TIMP2: variants seen among roughly 807,000 people sequenced by gnomAD.
The protein encoded by TIMP2 is TIMP metallopeptidase inhibitor 2.
In TIMP2, 5 loss-of-function variants were observed where a neutral mutation model predicts 24.3. The observed-to-expected ratio is 0.21, with a 90% CI of 0.11 to 0.43. The LOEUF is 0.43. Among genes scored for constraint, TIMP2 ranks in the 20% least tolerant of loss-of-function variants. The pLI is 1.00. For missense variants in TIMP2, 221 were observed against 297.5 expected (o/e 0.74, Z 1.89); for synonymous variants, 130 against 123.2 (o/e 1.06, Z -0.37).
chr17:78,925,016 C>T lies in TIMP2; in HGVS notation c.73G>A (p.Asp25Asn), dbSNP rs1165727821. Residue 25 changes from aspartate (D) to asparagine (N), a missense_variant, in exon 1 of 5, where the codon GAC becomes AAC. By Grantham distance (23) the Asp-to-Asn change is conservative. Coordinates refer to ENST00000262768, the MANE Select transcript of TIMP2 (RefSeq NM_003255.5). ...TGCACCGGGGAGCAGCTGCAGGCGTCGGCCGGGCGAAGCAGCGTCGCCAGC... is the reference window on the plus strand; with the variant it reads ...TGCACCGGGGAGCAGCTGCAGGCGTTGGCCGGGCGAAGCAGCGTCGCCAGC... ...LLLATLLRPADACSCSPVHPQ... is the reference protein window; with the variant it reads ...LLLATLLRPANACSCSPVHPQ... 3 of 1,255,674 alleles carry T rather than the reference C, an allele frequency of 2.4e-6. No individual in the cohort carries two copies. The highest frequency in any genetic ancestry group is 3.5e-5 in the East Asian group (1 of 28,430). 77.8% of individuals were successfully genotyped at this position (1,255,674 alleles called of 1,614,324 possible).
intron 3 of TIMP2, among the ~76,000 whole-genome samples, chr17:78,865,440 C>T (rs1359134123): frequency 3.3e-5 from 5 of 152,044 alleles, no homozygotes; most frequent in African/African-American, 1.2e-4. Flanking sequence ...GCCTGGCCAA[C>T]ACAGAGAAAT....
At chr17:78,880,954 A>G (rs1046715049) in intron 1 of TIMP2, among the ~76,000 whole-genome samples, 7 of 152,162 alleles carry the variant, frequency 4.6e-5, no homozygotes, top group Non-Finnish European at 8.8e-5. Context: ...CACTCCACAC[A>G]CTGTAACAGC....
chr17:78,895,814 C>A (rs947492483), intron 1 of TIMP2, among the ~76,000 whole-genome samples: 2 of 152,158 alleles, frequency 1.3e-5, no homozygotes, highest in East Asian at 3.9e-4. Flanking sequence ...CTGTGTGTCT[C>A]GGAAGGTGCC....
rs960261415 is a variant in TIMP2, at chr17:78,921,791, C to G, written c.130+3168G>C. On this transcript the variant is annotated intron_variant, in intron 1 of 4. Coordinates refer to ENST00000262768, the MANE Select transcript of TIMP2 (RefSeq NM_003255.5). ...CATCCCTTATCCTAAACATCACCAC[C>G]TCATCATGAATTATCTTTGCCGACC... is the stretch of plus-strand genomic sequence containing the variant. Among the ~76,000 whole-genome samples, 6 of 152,220 alleles carry G rather than the reference C, an allele frequency of 3.9e-5. 1 individual carries two copies. In the South Asian group the frequency reaches 1.2e-3, roughly 32 times the overall value.
chr17:78,919,867 G>C (rs145511868), intron 1 of TIMP2, among the ~76,000 whole-genome samples: 1 of 152,216 alleles, frequency 6.6e-6, no homozygotes, highest in East Asian at 1.9e-4. Context: ...GACCATCCTA[G>C]CCATGCAGCC....
chr17:78,892,705 T>C (rs1418221788), intron 1 of TIMP2, among the ~76,000 whole-genome samples: 11 of 152,328 alleles, frequency 7.2e-5, no homozygotes, highest in Middle Eastern at 3.4e-3. Flanking sequence ...CCAGGGGACA[T>C]TGGCAATGTC....
At chr17:78,893,417 G>A (rs796289831) in intron 1 of TIMP2, among the ~76,000 whole-genome samples, 1,870 of 98,458 alleles carry the variant, frequency 0.019, 100 homozygotes, top group African/African-American at 0.12. Flanking sequence ...GTGTGCATAG[G>A]GGTGTGTGTG....
At chr17:78,884,541 AG>A (rs1281221972) in intron 1 of TIMP2, among the ~76,000 whole-genome samples, 3 of 152,084 alleles carry the variant, frequency 2.0e-5, no homozygotes, top group African/African-American at 7.2e-5. Context: ...GAATGAAAGC[AG>A]GGGGGCTGAG....
At chr17:78,888,077 A>G (rs1416055712) in intron 1 of TIMP2, among the ~76,000 whole-genome samples, 1 of 152,066 alleles carries the variant, frequency 6.6e-6, no homozygotes, top group Non-Finnish European at 1.5e-5. Context: ...AAAACTAAAC[A>G]CTATGTTTAG....
intron 1 of TIMP2, among the ~76,000 whole-genome samples, chr17:78,888,462 T>G (rs945260079): frequency 1.7e-4 from 26 of 151,978 alleles, no homozygotes; most frequent in African/African-American, 6.3e-4. Context: ...GTCCAGTATC[T>G]TTTTGTTTCT....
intron 3 of TIMP2, among the ~76,000 whole-genome samples, chr17:78,867,241 G>A (rs1019615516): frequency 1.3e-5 from 2 of 152,082 alleles, no homozygotes; most frequent in East Asian, 3.9e-4. Flanking sequence ...GGCAACAGAG[G>A]GAGACTCTGT....
At position 78,925,035 on chromosome 17, in the gene TIMP2, C is replaced by A; in HGVS notation, c.54G>T (p.Ala18=). 3 of 1,250,584 alleles carry A rather than the reference C, an allele frequency of 2.4e-6. No homozygotes were observed. Among genetic ancestry groups the A allele is most frequent in the Admixed American group, 3.8e-5 (1 of 26,316 alleles). The allele number at this position is 1,250,584 out of a possible 1,614,324, so 77.5% of individuals were successfully genotyped here. Residue 18 remains alanine (A), a synonymous_variant, in exon 1 of 5, where the codon GCG becomes GCT. Coordinates refer to ENST00000262768, the MANE Select transcript of TIMP2 (RefSeq NM_003255.5). ...AGGCGTCGGCCGGGCGAAGCAGCGT[C>A]GCCAGCAGCAGGAGGCCGAGCGCCA... ...LRLALGLLLL[A]TLLRPADACS... is the part of the protein sequence containing the mutation.
At chr17:78,861,203 A>C (rs1425386393) in intron 3 of TIMP2, among the ~76,000 whole-genome samples, 1 of 152,076 alleles carries the variant, frequency 6.6e-6, no homozygotes, top group Non-Finnish European at 1.5e-5. Flanking sequence ...GGTATACCGC[A>C]GCCCCTTCCC....
In TIMP2 at chr17:78,855,900, G is replaced by T; in HGVS notation, c.466-36C>A. The T allele has an allele frequency of 6.2e-7, 1 of 1,608,974 alleles. No homozygotes were observed. Among genetic ancestry groups the T allele is most frequent in the South Asian group, 1.1e-5 (1 of 90,968 alleles). ...GCACACGGAGGGGGACGGAGTCAGG[G>T]ACCCAGGAAGGGGTGGGCAGAGGCT... On this transcript the variant is annotated intron_variant, in intron 4 of 4. Transcript: ENST00000262768. The surrounding 1 kb of genome is among the most constrained non-coding windows in gnomAD (Gnocchi z 6.0).
chr17:78,897,447 G>C (rs540892774), intron 1 of TIMP2: 1 of 152,210 alleles, frequency 6.6e-6, no homozygotes, highest in Non-Finnish European at 1.5e-5. Context: ...GGCTAAGTCA[G>C]GGCGGTTGTA....
At chr17:78,911,618 A>AT (rs996132074) in intron 1 of TIMP2, among the ~76,000 whole-genome samples, 2 of 151,746 alleles carry the variant, frequency 1.3e-5, no homozygotes, top group Non-Finnish European at 2.9e-5. Context: ...TTTAGTAGAG[A>AT]TGGGGTTTCG....
chr17:78,855,857 C>T lies in TIMP2; in HGVS notation c.473G>A (p.Arg158His), dbSNP rs1358820636. The T allele has an allele frequency of 3.7e-6, 6 of 1,613,520 alleles. No individual in the cohort carries two copies. The highest frequency in any genetic ancestry group is 1.7e-5 in the Admixed American group (1 of 59,964). The change falls in exon 5 of 5, where the codon CGC becomes CAC. Residue 158 changes from arginine (R) to histidine (H), a missense_variant. By Grantham distance (29) the Arg-to-His change is conservative. Coordinates refer to ENST00000262768, the MANE Select transcript of TIMP2 (RefSeq NM_003255.5). The surrounding 1 kb of genome is among the most constrained non-coding windows in gnomAD (Gnocchi z 6.0). ...YQMGCECKITRCPMIPCYISS... is the reference protein window; with the variant it reads ...YQMGCECKITHCPMIPCYISS... ...GATGTAGCACGGGATCATGGGGCAG[C>T]GCGTGATCTGGGGAGGGGCACACGG...
At chr17:78,921,824 C>T (rs1310616982) in intron 1 of TIMP2, among the ~76,000 whole-genome samples, 5 of 152,172 alleles carry the variant, frequency 3.3e-5, no homozygotes, top group South Asian at 2.1e-4. Flanking sequence ...ACCACAGTTC[C>T]GGTCCTACCA....
At chr17:78,866,417 T>C (rs1480092101) in intron 3 of TIMP2, among the ~76,000 whole-genome samples, 4 of 151,980 alleles carry the variant, frequency 2.6e-5, no homozygotes, top group Admixed American at 6.6e-5. Flanking sequence ...GTAAAAATCA[T>C]AGATAATACT....
Sources: allele counts gnomAD v4.1 joint callset (sites outside exome capture counted in the v4.1 genomes callset), GRCh38; gene constraint gnomAD v4.1.1; non-coding constraint Gnocchi (gnomAD v3.1); transcripts MANE v1.5; gene names NCBI Gene and HGNC (gene_info 2026-07-23, HGNC 2026-07-21).